Variants in TMIGD3 observed in about 807,000 individuals in gnomAD.
TMIGD3 encodes transmembrane and immunoglobulin domain containing 3, also known as AD026 protein (AD026).
A neutral mutation model predicts 28.1 loss-of-function variants in TMIGD3; 21 were observed. That is an observed-to-expected ratio of 0.75 (90% CI 0.53 to 1.08). TMIGD3 has a LOEUF of 1.08. Among genes scored for constraint, TMIGD3 ranks in the 50% least tolerant of loss-of-function variants. The pLI is 0.00. For missense variants in TMIGD3, 416 were observed against 435.6 expected (o/e 0.96, Z 0.40); for synonymous variants, 151 against 162.1 (o/e 0.93, Z 0.52).
At chr1:111,537,036 C>G (rs1399585920) in intron 1 of TMIGD3, among the ~76,000 whole-genome samples, 1 of 152,198 alleles carries the variant, frequency 6.6e-6, no homozygotes, top group Non-Finnish European at 1.5e-5. Context: ...CCCTGGTTTT[C>G]AAGTTTTCCT....
In TMIGD3 at chr1:111,503,305, G is replaced by A; in HGVS notation, c.50C>T (p.Thr17Ile). The A allele has an allele frequency of 6.2e-7, 1 of 1,614,118 alleles. No homozygotes were observed. Among genetic ancestry groups the A allele is most frequent in the Middle Eastern group, 1.6e-4 (1 of 6,062 alleles). Residue 17 changes from threonine to isoleucine, a missense_variant, in exon 1 of 6, where the codon ACC (threonine) becomes ATC (isoleucine). Transcript: ENST00000369716. The stretch of plus-strand genomic sequence containing the variant: ...GCAGAGTCCAATGAAAATTTCCATG[G>A]TGATGTAGGTAACATTGGCCAATGA... ...ALSLANVTYI[T>I]MEIFIGLCAI... is the part of the protein sequence containing the mutation.
intron 1 of TMIGD3, among the ~76,000 whole-genome samples, chr1:111,494,709 C>A (rs1557818939): frequency 6.6e-6 from 1 of 152,138 alleles, no homozygotes; most frequent in Non-Finnish European, 1.5e-5. Flanking sequence ...GCAAAAAGAA[C>A]CAAGCTGGAG....
chr1:111,553,710 G>A (rs746517959), intron 1 of TMIGD3, among the ~76,000 whole-genome samples: 5 of 152,130 alleles, frequency 3.3e-5, no homozygotes, highest in Non-Finnish European at 5.9e-5. Context: ...ATACTGTGAT[G>A]TTCCTTTCTA....
At chr1:111,502,874 G>T in intron 1 of TMIGD3, 131 bp downstream of exon 1, 1 of 1,159,412 alleles carries the variant, frequency 8.6e-7, no homozygotes, top group South Asian at 1.6e-5. Flanking sequence ...ATCACAAAAA[G>T]ACACTTATTG....
chr1:111,510,001 T>C (rs2085752185), intron 1 of TMIGD3, among the ~76,000 whole-genome samples: 1 of 152,204 alleles, frequency 6.6e-6, no homozygotes, highest in African/African-American at 2.4e-5. Context: ...ACAAAAACAG[T>C]CCAATATCAA....
chr1:111,500,059 G>T, intron 1 of TMIGD3: 1 of 1,614,178 alleles, frequency 6.2e-7, no homozygotes, highest in Non-Finnish European at 8.5e-7. Flanking sequence ...TATTTTATAG[G>T]CATAGACGAT....
intron 1 of TMIGD3, chr1:111,499,489 C>T: frequency 2.0e-6 from 2 of 996,480 alleles, no homozygotes; most frequent in East Asian, 1.0e-4. Flanking sequence ...GTTTAAGTCC[C>T]CCTTAAACTC....
chr1:111,483,624 A>G lies in TMIGD3; in HGVS notation c.*63T>C. 2.3e-6 allele frequency: 3 copies of G among 1,308,448 alleles called. No individual in the cohort carries two copies. 81.1% of individuals were successfully genotyped at this position (1,308,448 alleles called of 1,614,324 possible). On this transcript the variant is annotated 3_prime_UTR_variant, in exon 6 of 6. Transcript: ENST00000369716. Reference sequence around the variant, plus strand: ...AGAATCAGTCTCTGAGGTGTGGGCCAGTTGTCATGGTGATTATTCTGTTGT... The same window carrying G: ...AGAATCAGTCTCTGAGGTGTGGGCCGGTTGTCATGGTGATTATTCTGTTGT...
chr1:111,541,302 AG>A (rs1656813534), intron 1 of TMIGD3, among the ~76,000 whole-genome samples: 1 of 152,210 alleles, frequency 6.6e-6, no homozygotes, highest in South Asian at 2.1e-4. Flanking sequence ...ATTGCTTCTA[AG>A]TGTGCTGGAG....
intron 1 of TMIGD3, among the ~76,000 whole-genome samples, chr1:111,551,329 C>G (rs754079236): frequency 4.6e-5 from 7 of 152,256 alleles, no homozygotes; most frequent in South Asian, 4.1e-4. Flanking sequence ...TCCTCCGTTA[C>G]TAGTTTCTTC....
chr1:111,500,375 C>T lies in TMIGD3; in HGVS notation c.350+2630G>A, dbSNP rs148495214. On this transcript the variant is annotated intron_variant, in intron 1 of 5. Coordinates refer to ENST00000369716, the MANE Select transcript of TMIGD3 (RefSeq NM_020683.7). Reference sequence around the variant, plus strand: ...ATCCAGGTGAGGAAGCTGAAGTATACCATGTAGTCCATTCTCATGACGGAA... The same window carrying T: ...ATCCAGGTGAGGAAGCTGAAGTATATCATGTAGTCCATTCTCATGACGGAA... 1.9e-6 allele frequency: 3 copies of T among 1,614,038 alleles called. No homozygotes were observed. In the African/African-American group the frequency reaches 4.0e-5, roughly 22 times the overall value.
intron 1 of TMIGD3, chr1:111,542,362 T>C (rs767741730): frequency 2.4e-5 from 7 of 289,744 alleles, no homozygotes; most frequent in Non-Finnish European, 4.4e-5. Context: ...GGTGAAGGAC[T>C]GTGCCAGCTG....
intron 1 of TMIGD3, among the ~76,000 whole-genome samples, chr1:111,552,280 G>T (rs188670787): frequency 2.6e-4 from 39 of 152,280 alleles, no homozygotes; most frequent in African/African-American, 9.4e-4. Context: ...GTGCTAGAAT[G>T]CAGGCTGTTA....
chr1:111,498,024 G>A lies in TMIGD3; in HGVS notation c.350+4981C>T, dbSNP rs1010330710. 7.2e-5 allele frequency among the ~76,000 whole-genome samples: 11 copies of A among 152,188 alleles called. No individual in the cohort carries two copies. The East Asian group carries it at 2.1e-3, about 29-fold the overall frequency. On this transcript the variant is annotated intron_variant, in intron 1 of 5. Coordinates refer to ENST00000369716, the MANE Select transcript of TMIGD3 (RefSeq NM_020683.7). ...ACCCAAAGCCCTAGAATAAACCTAG[G>A]GCCTCATCCTGGAAGTGCCTTTTAA... is the stretch of plus-strand genomic sequence containing the variant.
intron 5 of TMIGD3, among the ~76,000 whole-genome samples, chr1:111,484,521 C>T (rs757923634): frequency 3.9e-5 from 6 of 152,178 alleles, no homozygotes; most frequent in Non-Finnish European, 5.9e-5. Context: ...TTGTCTTGTC[C>T]ACATGCCCCA....
At chr1:111,498,190 A>G (rs932484522) in intron 1 of TMIGD3, among the ~76,000 whole-genome samples, 1 of 152,246 alleles carries the variant, frequency 6.6e-6, no homozygotes, top group African/African-American at 2.4e-5. Context: ...GGTTCAGGAT[A>G]AACCTTCAGG....
chr1:111,538,206 T>C (rs1335205877), intron 1 of TMIGD3, among the ~76,000 whole-genome samples: 1 of 152,204 alleles, frequency 6.6e-6, no homozygotes, highest in Non-Finnish European at 1.5e-5. Flanking sequence ...TTGGATCTCA[T>C]ATCAAACATT....
chr1:111,500,637 A>G, intron 1 of TMIGD3: 1 of 1,352,316 alleles, frequency 7.4e-7, no homozygotes, highest in Middle Eastern at 2.3e-4. Flanking sequence ...AAGGAGAGAG[A>G]GAGAGGTGAG....
chr1:111,507,051 A>G (rs199670811), upstream of TMIGD3, among the ~76,000 whole-genome samples: 21,633 of 131,494 alleles, frequency 0.16, 1,703 homozygotes, highest in East Asian at 0.42. Flanking sequence ...ATATATATAT[A>G]TATATATATG....
Sources: allele counts gnomAD v4.1 joint callset (sites outside exome capture counted in the v4.1 genomes callset), GRCh38; gene constraint gnomAD v4.1.1; transcripts MANE v1.5; gene names NCBI Gene and HGNC (gene_info 2026-07-23, HGNC 2026-07-21).